The following WASHC2A variants were observed in gnomAD, a reference collection of about 807,000 sequenced individuals.
WASHC2A encodes the protein WASH complex subunit 2A.
WASHC2A carries 82 observed loss-of-function variants against 140.3 expected under a neutral mutation model. That is an observed-to-expected ratio of 0.58 (90% CI 0.49 to 0.70). The LOEUF is 0.70. Ranked by LOEUF, WASHC2A falls within the 30% of genes least tolerant of loss-of-function variation. The probability of loss-of-function intolerance (pLI) is 0.00; values close to 1 mark genes in which losing one functional copy is unlikely to be tolerated. For synonymous variants in WASHC2A, 340 were observed against 560.8 expected, an observed-to-expected ratio of 0.61 and a Z score of 5.56; for missense variants, 985 against 1,521.8, an observed-to-expected ratio of 0.65 and a Z score of 5.87.
intron 3 of WASHC2A, among the ~76,000 whole-genome samples, chr10:50,075,940 G>T (rs1289242568): frequency 1.3e-5 from 2 of 151,628 alleles, no homozygotes; most frequent in Non-Finnish European, 2.9e-5. Flanking sequence ...TTGAAATAGA[G>T]TTTCAGTCTT....
intron 11 of WASHC2A, 99 bp downstream of exon 11, chr10:50,092,332 T>C: frequency 7.5e-7 from 1 of 1,341,864 alleles, no homozygotes; most frequent in South Asian, 1.4e-5. Flanking sequence ...CTGTTTTCCC[T>C]CTGACAAATG....
intron 3 of WASHC2A, among the ~76,000 whole-genome samples, chr10:50,075,089 A>C (rs1838190874): frequency 6.6e-6 from 1 of 151,864 alleles, no homozygotes; most frequent in Non-Finnish European, 1.5e-5. Flanking sequence ...TTTGCAGCCT[A>C]CTTTTTTTCT....
chr10:50,079,302 G>C (rs1208943667), intron 4 of WASHC2A, among the ~76,000 whole-genome samples: 3 of 152,148 alleles, frequency 2.0e-5, no homozygotes, highest in Non-Finnish European at 4.4e-5. Flanking sequence ...AACAGATGAA[G>C]CTGTTAGACT....
Position 50,104,082 on chromosome 10 carries a change from C to G in WASHC2A, c.1676C>G (p.Ala559Gly). Residue 559 changes from alanine (A) to glycine (G), a missense_variant, in exon 18 of 31, where the codon GCG (alanine) becomes GGG (glycine). Transcript: ENST00000282633. ...SSQSASKLKG[A>G]SLLPGKLPTL... ...CAAAGTGCGAGTAAGTTAAAAGGTGCGTCTCTGCTGCCTGGCAAGCTCCCC... is the reference window on the plus strand; with the variant it reads ...CAAAGTGCGAGTAAGTTAAAAGGTGGGTCTCTGCTGCCTGGCAAGCTCCCC... 1 of 1,472,394 alleles carries G rather than the reference C, an allele frequency of 6.8e-7. No homozygotes were observed. Among genetic ancestry groups the G allele is most frequent in the Non-Finnish European group, 9.4e-7 (1 of 1,065,698 alleles). 91.2% of individuals were successfully genotyped at this position (1,472,394 alleles called of 1,614,324 possible).
Position 50,079,151 on chromosome 10 carries a change from A to C in WASHC2A, c.354+414A>C, listed in dbSNP as rs1838655682. Among the ~76,000 whole-genome samples the C allele has an allele frequency of 4.0e-5, 6 of 150,334 alleles. No individual in the cohort carries two copies. In the Admixed American group the frequency reaches 4.0e-4, roughly 10 times the overall value. ...CACTGACTTCTTAGCACTCCAGCAG[A>C]GATTTCTTTTTCTTCCACTCAGGAA... On this transcript the variant is annotated intron_variant, in intron 4 of 30. Transcript: ENST00000282633.
chr10:50,102,583 G>C (rs1348843012), intron 17 of WASHC2A, among the ~76,000 whole-genome samples: 3 of 151,330 alleles, frequency 2.0e-5, no homozygotes, highest in Non-Finnish European at 4.4e-5. Context: ...GGGAGCACAG[G>C]GGAAAAACAC....
intron 3 of WASHC2A, among the ~76,000 whole-genome samples, chr10:50,072,481 CT>C (rs11440968): frequency 5.2e-4 from 47 of 90,618 alleles, no homozygotes; most frequent in Admixed American, 1.8e-3. Context: ...AGTGATCTGG[CT>C]TTTTTTTTTT....
At position 50,119,883 on chromosome 10, in the gene WASHC2A, T is replaced by C. The variant is rs1380750294; in HGVS notation, c.2478+114T>C. 4.4e-6 allele frequency: 3 copies of C among 674,340 alleles called. No homozygotes were observed. The African/African-American group carries it at 6.1e-5, about 14-fold the overall frequency. The allele number at this position is 674,340 out of a possible 1,614,324, so 41.8% of individuals were successfully genotyped here. A position where few individuals can be genotyped will look rare whatever the true frequency, so the allele number is the denominator to read the frequency against. On this transcript the variant is annotated intron_variant, in intron 23 of 30. Transcript: ENST00000282633. ...AGGAATCTTAACCTTCAATGTAGTG[T>C]GTTAATGATTCTGTGCAGTCATTTA...
At chr10:50,095,907 A>T (rs1393978250) in intron 15 of WASHC2A, 129 bp downstream of exon 15, 8 of 1,188,520 alleles carry the variant, frequency 6.7e-6, no homozygotes, top group Non-Finnish European at 9.4e-6. Context: ...CCTGTCATTG[A>T]GTTGTTGTGT....
In WASHC2A at chr10:50,085,574, T is replaced by G. The variant is rs1589172045; in HGVS notation, c.684+16T>G. On this transcript the variant is annotated intron_variant, in intron 7 of 30. Transcript: ENST00000282633. ...AGAAGAGGAGGTAAGGGCTGTTTGG[T>G]ATGACCAGGTCACGGTGGGCAGCAA... 5.6e-6 allele frequency: 2 copies of G among 359,932 alleles called. No individual in the cohort carries two copies. The highest frequency in any genetic ancestry group is 7.2e-5 in the South Asian group (2 of 27,964). The allele number at this position is 359,932 out of a possible 1,614,324, so 22.3% of individuals were successfully genotyped here. A position where few individuals can be genotyped will look rare whatever the true frequency, so the allele number is the denominator to read the frequency against.
intron 19 of WASHC2A, among the ~76,000 whole-genome samples, chr10:50,107,432 A>G (rs1438163447): frequency 6.7e-6 from 1 of 150,042 alleles, no homozygotes; most frequent in Non-Finnish European, 1.5e-5. Context: ...AGCTGTGCAG[A>G]AAAAGACTTT....
At position 50,132,880 on chromosome 10, in the gene WASHC2A, C is replaced by T. The variant is rs1335202320; in HGVS notation, c.3961C>T (p.Pro1321Ser). The stretch of plus-strand genomic sequence containing the variant: ...CCGATCTGCACAGGCCGCACCTGAA[C>T]CAAGATTTGAACACAAGGTGTCCAA... ...KSRSAQAAPE[P>S]RFEHKVSNIF... is the part of the protein sequence containing the mutation. Residue 1321 changes from proline (P) to serine (S), a missense_variant, in exon 31 of 31, where the codon CCA (proline) becomes TCA (serine). Transcript: ENST00000282633. The T allele has an allele frequency of 1.4e-5, 22 of 1,611,930 alleles. No homozygotes were observed. The highest frequency in any genetic ancestry group is 1.8e-5 in the Non-Finnish European group (21 of 1,179,864).
rs1266775711 is a variant in WASHC2A at position 50,074,703 on chromosome 10, A to G, written c.292-3972A>G. Among the ~76,000 whole-genome samples, 4 of 152,218 alleles carry G rather than the reference A, an allele frequency of 2.6e-5. No individual in the cohort carries two copies. In the East Asian group the frequency reaches 7.8e-4, roughly 30 times the overall value. ...GCCGAGGTGGGCGGATCACGAGGTC[A>G]GGAGATTGAGACCATCCTGACTAAC... On this transcript the variant is annotated intron_variant, in intron 3 of 30. Coordinates refer to ENST00000282633, the MANE Select transcript of WASHC2A (RefSeq NM_001005751.3).
intron 5 of WASHC2A, among the ~76,000 whole-genome samples, chr10:50,082,483 A>ATT (rs528898220): frequency 3.4e-4 from 39 of 115,164 alleles, no homozygotes; most frequent in Non-Finnish European, 5.9e-4. Flanking sequence ...TCTTGACCCT[A>ATT]TTTTTTTTTT....
intron 3 of WASHC2A, among the ~76,000 whole-genome samples, chr10:50,071,808 T>G (rs1837855669): frequency 6.7e-6 from 1 of 149,010 alleles, no homozygotes; most frequent in Admixed American, 6.7e-5. Context: ...TGGAGTTTTT[T>G]TGGTTTTGTT....
rs782646577 is a variant in WASHC2A, at chr10:50,087,328, G to T, written c.732+6G>T. 336 of 1,613,896 alleles carry T rather than the reference G, an allele frequency of 2.1e-4. No individual in the cohort carries two copies. The African/African-American group carries it at 3.9e-3, about 19-fold the overall frequency. On this transcript the variant is annotated splice_donor_region_variant and intron_variant, in intron 8 of 30. Coordinates refer to ENST00000282633, the MANE Select transcript of WASHC2A (RefSeq NM_001005751.3). The stretch of plus-strand genomic sequence containing the variant: ...GTGACAATGAACAAAACCGGGTAAG[G>T]CTCATATATTGAAATGACTTTGTTT...
intron 14 of WASHC2A, 104 bp downstream of exon 14, chr10:50,095,311 G>A (rs2132618847): frequency 1.9e-6 from 2 of 1,052,764 alleles, no homozygotes; most frequent in East Asian, 2.6e-5. Flanking sequence ...GAAGTACCTG[G>A]GAGCTTCAAA....
chr10:50,079,900 G>C (rs1458919604), intron 4 of WASHC2A, among the ~76,000 whole-genome samples: 13 of 151,044 alleles, frequency 8.6e-5, no homozygotes, highest in Non-Finnish European at 1.6e-4. Flanking sequence ...TATCCAAATA[G>C]AAAAATACAC....
intron 26 of WASHC2A, 24 bp from the exon 27 acceptor site, chr10:50,127,136 T>G: frequency 1.2e-6 from 2 of 1,612,052 alleles, no homozygotes; most frequent in Admixed American, 1.7e-5. Flanking sequence ...AAATGGATTT[T>G]TAACTGGATG....
Sources: gnomAD v4.1 joint callset for allele counts (sites outside exome capture counted in the v4.1 genomes callset) on GRCh38, gnomAD v4.1.1 for gene constraint, MANE v1.5 for transcripts, NCBI Gene and HGNC (gene_info 2026-07-23, HGNC 2026-07-21) for gene names.